KCNN3: variants seen among roughly 807,000 people sequenced by gnomAD.
KCNN3 encodes the protein potassium calcium-activated channel subfamily N member 3.
Under a neutral mutation model 62.9 loss-of-function variants are expected in KCNN3, and 16 were observed. That is an observed-to-expected ratio of 0.25 (90% CI 0.17 to 0.39). The LOEUF (loss-of-function observed/expected upper bound fraction) is 0.39. Among genes scored for constraint, KCNN3 ranks in the 10% least tolerant of loss-of-function variants. The pLI is 1.00. For missense variants in KCNN3, 599 were observed against 949.4 expected, an observed-to-expected ratio of 0.63 and a Z score of 4.85; for synonymous variants, 370 against 389.2, an observed-to-expected ratio of 0.95 and a Z score of 0.58.
At position 154,756,965 on chromosome 1, in the gene KCNN3, A is replaced by G. The variant is rs1186710861; in HGVS notation, c.1448+15010T>C. On this transcript the variant is annotated intron_variant, in intron 3 of 7. Coordinates refer to ENST00000271915, the MANE Select transcript of KCNN3 (RefSeq NM_002249.6). ...TATTTAGCAAGTCTCTCATGAGAGC[A>G]CTGCAGCTCAGAGAGAGGCGTGGCT... Among the ~76,000 whole-genome samples, 3 of 152,200 alleles carry G rather than the reference A, an allele frequency of 2.0e-5. No homozygotes were observed. In the East Asian group the frequency reaches 5.8e-4, roughly 29 times the overall value.
chr1:154,766,892 A>G (rs944350244), intron 3 of KCNN3, among the ~76,000 whole-genome samples: 7 of 152,014 alleles, frequency 4.6e-5, no homozygotes, highest in Admixed American at 1.3e-4. Flanking sequence ...CGTGTTAGCC[A>G]GGATGGTCTC....
chr1:154,800,951 C>T (rs1274784673), intron 2 of KCNN3, among the ~76,000 whole-genome samples: 24 of 152,244 alleles, frequency 1.6e-4, no homozygotes, highest in African/African-American at 2.4e-5. Context: ...AAGCTGAAGT[C>T]GGAAGATGGC....
chr1:154,815,591 A>G (rs919157793), intron 2 of KCNN3, among the ~76,000 whole-genome samples: 7 of 152,240 alleles, frequency 4.6e-5, no homozygotes, highest in African/African-American at 1.7e-4. Context: ...TTATTTCTGG[A>G]TTCTCAATGC....
At chr1:154,834,271 T>A (rs1651491312) in intron 1 of KCNN3, among the ~76,000 whole-genome samples, 1 of 152,222 alleles carries the variant, frequency 6.6e-6, no homozygotes, top group Non-Finnish European at 1.5e-5. Flanking sequence ...AGCATGTTCA[T>A]CTGAGAGCCT....
chr1:154,717,919 T>A (rs1366951004), intron 5 of KCNN3, among the ~76,000 whole-genome samples: 1 of 152,168 alleles, frequency 6.6e-6, no homozygotes, highest in Non-Finnish European at 1.5e-5. Flanking sequence ...ACCTGGCTGA[T>A]TGATCTAAGC....
Position 154,731,597 on chromosome 1 carries a change from G to A in KCNN3, c.1590+1406C>T, listed in dbSNP as rs142120328. On this transcript the variant is annotated intron_variant, in intron 4 of 7. Transcript: ENST00000271915. Reference sequence around the variant, plus strand: ...ACTCAGACCCTGCAGGAAGACCTGCGGCCCTCCCTTTGCACTGCAGAAAGG... The same window carrying A: ...ACTCAGACCCTGCAGGAAGACCTGCAGCCCTCCCTTTGCACTGCAGAAAGG... Among the ~76,000 whole-genome samples, 240 of 152,342 alleles carry A rather than the reference G, an allele frequency of 1.6e-3. 1 individual carries two copies. Among genetic ancestry groups the A allele is most frequent in the African/African-American group, 5.4e-3 (223 of 41,596 alleles).
intron 3 of KCNN3, among the ~76,000 whole-genome samples, chr1:154,757,945 C>T: frequency 6.6e-6 from 1 of 152,156 alleles, no homozygotes; most frequent in East Asian, 1.9e-4. Flanking sequence ...TGTGAATTAT[C>T]CCCTTTCCTG....
chr1:154,832,016 G>C (rs1003525354), intron 1 of KCNN3, among the ~76,000 whole-genome samples: 1 of 151,968 alleles, frequency 6.6e-6, no homozygotes, highest in East Asian at 1.9e-4. Context: ...CCCAGGTGTT[G>C]GGGCTCCCGG....
At chr1:154,719,535 TA>T (rs1172651239) in intron 5 of KCNN3, among the ~76,000 whole-genome samples, 9 of 152,088 alleles carry the variant, frequency 5.9e-5, no homozygotes, top group Non-Finnish European at 1.2e-4. Flanking sequence ...ACCACCTTGG[TA>T]TATGTGCACC....
chr1:154,739,724 C>A (rs1464131047), intron 3 of KCNN3, among the ~76,000 whole-genome samples: 2 of 152,244 alleles, frequency 1.3e-5, no homozygotes, highest in Admixed American at 6.5e-5. Flanking sequence ...ATCATGGCTT[C>A]TGTCTTGGGT....
chr1:154,705,199 G>A lies in KCNN3; in HGVS notation c.*2777C>T, dbSNP rs1455986312. 2 of 152,198 alleles carry A rather than the reference G, an allele frequency of 1.3e-5. No individual in the cohort carries two copies. The highest frequency in any genetic ancestry group is 1.3e-4 in the Admixed American group (2 of 15,280). 9.4% of individuals were successfully genotyped at this position (152,198 alleles called of 1,614,324 possible). ...CATCTGACTGTGATGCTGAGGTGTG[G>A]TGGAATTAGCCAAAAGATGTAGGAA... On this transcript the variant is annotated 3_prime_UTR_variant, in exon 8 of 8. Transcript: ENST00000271915.
intron 2 of KCNN3, among the ~76,000 whole-genome samples, chr1:154,790,536 C>T (rs970810667): frequency 1.3e-5 from 2 of 152,178 alleles, no homozygotes; most frequent in African/African-American, 2.4e-5. Context: ...ACACTGTAAA[C>T]GGTAGAGTAC....
At position 154,710,678 on chromosome 1, in the gene KCNN3, C is replaced by T. The variant is rs148444058; in HGVS notation, c.1900-2406G>A. 3.3e-3 allele frequency among the ~76,000 whole-genome samples: 505 copies of T among 152,178 alleles called. 3 individuals carry two copies. The highest frequency in any genetic ancestry group is 0.011 in the African/African-American group (469 of 41,510). On this transcript the variant is annotated intron_variant, in intron 7 of 7. Transcript: ENST00000271915. ...AAAGTTTGGTTTGCCCAAAAGTGGG[C>T]GAAGGATATGAACAGACACTTCTCA...
At position 154,772,010 on chromosome 1, in the gene KCNN3, C is replaced by G; in HGVS notation, c.1413G>C (p.Trp471Cys). ...TVLLVFSISL[W>C]IIAAWTVRVC... is the part of the protein sequence containing the mutation. ...CACGGACGGTCCAGGCAGCAATGAT[C>G]CACAGAGAGATGCTGAACACGAGCA... Residue 471 changes from tryptophan (W) to cysteine (C), a missense_variant, in exon 3 of 8, where the codon TGG (tryptophan) becomes TGC (cysteine). Coordinates refer to ENST00000271915, the MANE Select transcript of KCNN3 (RefSeq NM_002249.6). The surrounding 1 kb of genome is among the most constrained non-coding windows in gnomAD (Gnocchi z 5.6). 1 of 1,614,064 alleles carries G rather than the reference C, an allele frequency of 6.2e-7. No individual in the cohort carries two copies. The highest frequency in any genetic ancestry group is 8.5e-7 in the Non-Finnish European group (1 of 1,180,024).
intron 3 of KCNN3, among the ~76,000 whole-genome samples, chr1:154,739,821 G>T (rs1044802016): frequency 6.6e-6 from 1 of 152,264 alleles, no homozygotes; most frequent in African/African-American, 2.4e-5. Flanking sequence ...GTGCCACATG[G>T]CAAGGGACAC....
At chr1:154,744,489 A>C (rs1348004225) in intron 3 of KCNN3, among the ~76,000 whole-genome samples, 1 of 152,208 alleles carries the variant, frequency 6.6e-6, no homozygotes, top group Non-Finnish European at 1.5e-5. Flanking sequence ...CTGGGCAGGA[A>C]CCATTCTAGC....
rs1571205170 is a variant in KCNN3 at position 154,715,064 on chromosome 1, GGTTGC to G, written c.1702-66_1702-62del. ...TTCATTTTCTTAGGTTCATTTTTGTGGTTGCTACTGTAGTCTACCTCATAAGGAAA... is the reference window on the plus strand; with the variant it reads ...TTCATTTTCTTAGGTTCATTTTTGTGTACTGTAGTCTACCTCATAAGGAAA... On this transcript the variant is annotated intron_variant, in intron 5 of 7. Coordinates refer to ENST00000271915, the MANE Select transcript of KCNN3 (RefSeq NM_002249.6). 13 of 1,593,818 alleles carry G rather than the reference GGTTGC, an allele frequency of 8.2e-6. No individual in the cohort carries two copies. In the East Asian group the frequency reaches 2.9e-4, roughly 36 times the overall value.
At chr1:154,767,082 C>A (rs576648317) in intron 3 of KCNN3, among the ~76,000 whole-genome samples, 6 of 152,178 alleles carry the variant, frequency 3.9e-5, no homozygotes, top group African/African-American at 1.4e-4. Context: ...TTGCTTCCTG[C>A]TGCTGGCAAG....
intron 2 of KCNN3, among the ~76,000 whole-genome samples, chr1:154,792,978 G>C (rs138524202): frequency 9.2e-5 from 14 of 152,232 alleles, no homozygotes; most frequent in African/African-American, 3.1e-4. Flanking sequence ...CCAGAGAAAG[G>C]GGAGTTCCTT....
Sources: gnomAD v4.1 joint callset for allele counts (sites outside exome capture counted in the v4.1 genomes callset) on GRCh38, gnomAD v4.1.1 for gene constraint, Gnocchi (gnomAD v3.1) non-coding constraint, MANE v1.5 for transcripts, NCBI Gene and HGNC (gene_info 2026-07-23, HGNC 2026-07-21) for gene names.